Variants in LOC400499 observed in about 807,000 individuals in gnomAD.
chr16:11,387,074 CAGGG>C, the LOC400499 span: 9 of 1,231,342 alleles, frequency 7.3e-6, no homozygotes, highest in African/African-American at 1.2e-4. Flanking sequence ...AGGGGGCTCT[CAGGG>C]AGGAGGGCGG....
chr16:11,437,900 C>T, the LOC400499 span, among the ~76,000 whole-genome samples: 1 of 152,160 alleles, frequency 6.6e-6, no homozygotes, highest in Non-Finnish European at 1.5e-5. Flanking sequence ...TGTTTGCACT[C>T]ATTAGATGAC....
At chr16:11,494,983 T>G in the LOC400499 span, among the ~76,000 whole-genome samples, 1 of 152,032 alleles carries the variant, frequency 6.6e-6, no homozygotes, top group Admixed American at 6.5e-5. Context: ...CCAAGGCAGG[T>G]GGATCACCTG....
At chr16:11,384,548 T>TC in the LOC400499 span, among the ~76,000 whole-genome samples, 2 of 152,046 alleles carry the variant, frequency 1.3e-5, no homozygotes, top group East Asian at 1.9e-4. Flanking sequence ...AGCATGTGTA[T>TC]CCCCCGTCCC....
chr16:11,439,413 T>G, the LOC400499 span: 2 of 398,284 alleles, frequency 5.0e-6, no homozygotes, highest in Non-Finnish European at 8.9e-6. Context: ...TCTGCCCATC[T>G]CCCAGCAGGC....
At chr16:11,373,383 C>CGTG in the LOC400499 span, among the ~76,000 whole-genome samples, 1 of 152,220 alleles carries the variant, frequency 6.6e-6, no homozygotes, top group Non-Finnish European at 1.5e-5. Context: ...CTCGCGCTAT[C>CGTG]ACCCAGGCTG....
the LOC400499 span, among the ~76,000 whole-genome samples, chr16:11,473,333 A>G: frequency 6.7e-6 from 1 of 150,162 alleles, no homozygotes; most frequent in Non-Finnish European, 1.5e-5. Flanking sequence ...GCCCTCCCCA[A>G]CCTTACTCTA....
chr16:11,391,361 G>A, the LOC400499 span, among the ~76,000 whole-genome samples: 1 of 151,474 alleles, frequency 6.6e-6, no homozygotes, highest in Non-Finnish European at 1.5e-5. Flanking sequence ...GAGCTTCACA[G>A]AAACAAGGCT....
chr16:11,455,465 T>C, the LOC400499 span, among the ~76,000 whole-genome samples: 1 of 152,144 alleles, frequency 6.6e-6, no homozygotes. Context: ...CCAGGCACAG[T>C]GGCTCACACC....
the LOC400499 span, chr16:11,385,358 G>A: frequency 1.6e-6 from 2 of 1,232,280 alleles, no homozygotes; most frequent in African/African-American, 1.5e-5. Flanking sequence ...GGGTGCTGAG[G>A]TCCCATACCC....
the LOC400499 span, chr16:11,460,078 C>T: frequency 3.0e-6 from 4 of 1,347,088 alleles, no homozygotes; most frequent in Non-Finnish European, 2.9e-6. Context: ...GGGTGGTGAA[C>T]TGCCCATGGA....
chr16:11,412,894 G>A, the LOC400499 span: 10 of 399,122 alleles, frequency 2.5e-5, 1 homozygote, highest in Non-Finnish European at 4.0e-5. Context: ...CCTGAGAATC[G>A]CAGGTCAGCT....
chr16:11,459,926 C>T, the LOC400499 span: 16 of 1,486,374 alleles, frequency 1.1e-5, no homozygotes, highest in Admixed American at 4.2e-5. Context: ...GGGCGGGCCC[C>T]GAGTCATTCT....
At chr16:11,413,999 G>A in the LOC400499 span, among the ~76,000 whole-genome samples, 2 of 152,050 alleles carry the variant, frequency 1.3e-5, no homozygotes, top group African/African-American at 2.4e-5. Context: ...TGAGACTGAC[G>A]AACGCCCATA....
the LOC400499 span, among the ~76,000 whole-genome samples, chr16:11,527,481 T>C: frequency 1.3e-5 from 2 of 152,160 alleles, no homozygotes; most frequent in Non-Finnish European, 2.9e-5. Context: ...TAAACAGAGA[T>C]CTCAGGTCAG....
At chr16:11,491,576 G>C in the LOC400499 span, 6 of 385,562 alleles carry the variant, frequency 1.6e-5, no homozygotes, top group African/African-American at 1.0e-4. Context: ...AGGGGAACAA[G>C]AACACAGCAG....
At chr16:11,384,816 T>C in the LOC400499 span, 13 of 1,215,144 alleles carry the variant, frequency 1.1e-5, no homozygotes, top group East Asian at 9.5e-5. Context: ...CCTGCCGCCC[T>C]GGAAGCTTAA....
At chr16:11,477,089 C>T in the LOC400499 span, 5 of 398,800 alleles carry the variant, frequency 1.3e-5, no homozygotes, top group African/African-American at 4.1e-5. Context: ...GCTGTACATG[C>T]GCCAAGCACT....
chr16:11,378,854 T>C, the LOC400499 span, among the ~76,000 whole-genome samples: 1 of 152,214 alleles, frequency 6.6e-6, no homozygotes, highest in African/African-American at 2.4e-5. Context: ...TTGAAGAATG[T>C]GTATTCTGCT....
chr16:11,513,057 T>G, the LOC400499 span, among the ~76,000 whole-genome samples: 3 of 152,232 alleles, frequency 2.0e-5, no homozygotes, highest in African/African-American at 7.2e-5. Context: ...CCGTGTGACC[T>G]TGGACAAGTC....
Sources: gnomAD v4.1 joint callset for allele counts (sites outside exome capture counted in the v4.1 genomes callset) on GRCh38, gnomAD v4.1.1 for gene constraint, MANE v1.5 for transcripts.